The following OSBPL9 variants were observed in gnomAD, a reference collection of about 807,000 sequenced individuals.
The protein encoded by OSBPL9 is oxysterol-binding protein-related protein 9.
Under a neutral mutation model 106.6 loss-of-function variants are expected in OSBPL9, and 40 were observed. The ratio of observed to expected loss-of-function variants is 0.38; its 90% CI spans 0.29 to 0.49. OSBPL9 has a LOEUF of 0.49. OSBPL9 is among the 20% of genes least tolerant of loss of function. OSBPL9 has a pLI of 0.97. For synonymous variants in OSBPL9, 269 were observed against 295.4 expected (o/e 0.91, Z 0.92); for missense variants, 609 against 887.2 (o/e 0.69, Z 3.98).
At chr1:51,562,269 CATG>C in the OSBPL9 span, among the ~76,000 whole-genome samples, 16 of 152,178 alleles carry the variant, frequency 1.1e-4, no homozygotes, top group South Asian at 3.1e-3. Context: ...AGTGAGTTAT[CATG>C]ATATCTGGTT....
intron 3 of OSBPL9, among the ~76,000 whole-genome samples, chr1:51,706,393 A>T (rs150919830): frequency 6.6e-6 from 1 of 152,050 alleles, no homozygotes; most frequent in Admixed American, 6.5e-5. Context: ...GGGAGTTATG[A>T]GTATGTGCAT....
At chr1:51,633,656 C>G (rs1321841802) in intron 1 of OSBPL9, among the ~76,000 whole-genome samples, 1 of 152,020 alleles carries the variant, frequency 6.6e-6, no homozygotes, top group Non-Finnish European at 1.5e-5. Context: ...GTCTTGCACT[C>G]TGTCACGGGG....
chr1:51,636,633 C>G (rs1401656542), intron 1 of OSBPL9, among the ~76,000 whole-genome samples: 1 of 151,966 alleles, frequency 6.6e-6, no homozygotes, highest in Non-Finnish European at 1.5e-5. Context: ...CCACCACACC[C>G]AACCCAAATT....
rs1165352063 is a variant in OSBPL9, at chr1:51,788,004, G to GA, written c.*220dup. 2.0e-6 allele frequency: 1 copy of GA among 510,698 alleles called. No homozygotes were observed. The highest frequency in any genetic ancestry group is 2.0e-5 in the African/African-American group (1 of 51,094). The allele number at this position is 510,698 out of a possible 1,614,324, so 31.6% of individuals were successfully genotyped here. A position where few individuals can be genotyped will look rare whatever the true frequency, so the allele number is the denominator to read the frequency against. ...GTTACGATTTTGACTTCAGTCCTGA[G>GA]AAAAACTTCAGGTTTTGAAAATCAG... On this transcript the variant is annotated 3_prime_UTR_variant, in exon 24 of 24. Coordinates refer to ENST00000428468, the MANE Select transcript of OSBPL9 (RefSeq NM_024586.6).
chr1:51,705,823 G>T (rs1004742515), intron 3 of OSBPL9, among the ~76,000 whole-genome samples: 1 of 151,960 alleles, frequency 6.6e-6, no homozygotes, highest in Non-Finnish European at 1.5e-5. Context: ...AACCAACTTT[G>T]TATTTCTAAA....
rs1661687821 is a variant in OSBPL9 at position 51,719,567 on chromosome 1, A to G, written c.318+5488A>G. 2.6e-5 allele frequency among the ~76,000 whole-genome samples: 4 copies of G among 152,120 alleles called. No homozygotes were observed. The South Asian group carries it at 8.3e-4, about 32-fold the overall frequency. ...CATCCTGTAGGTTTTATAGTTTCCT[A>G]TATTGTAAAAAATATGAGTTATAGC... is the stretch of plus-strand genomic sequence containing the variant. On this transcript the variant is annotated intron_variant, in intron 4 of 23. Coordinates refer to ENST00000428468, the MANE Select transcript of OSBPL9 (RefSeq NM_024586.6).
chr1:51,530,981 G>GA, the OSBPL9 span, among the ~76,000 whole-genome samples: 3 of 144,018 alleles, frequency 2.1e-5, no homozygotes, highest in East Asian at 4.3e-4. Flanking sequence ...TGTAAAAAAA[G>GA]AAAAAAATAG....
At position 51,736,511 on chromosome 1, in the gene OSBPL9, T is replaced by C. The variant is rs11205881; in HGVS notation, c.319-9025T>C. On this transcript the variant is annotated intron_variant, in intron 4 of 23. Coordinates refer to ENST00000428468, the MANE Select transcript of OSBPL9 (RefSeq NM_024586.6). ...TTCTGCTGTAGAGATTCAGTCTTGT[T>C]AGATTAATATATCAGGTTTTGTTTT... 3.4e-3 allele frequency among the ~76,000 whole-genome samples: 512 copies of C among 152,320 alleles called. 4 individuals carry two copies. The highest frequency in any genetic ancestry group is 0.012 in the African/African-American group (490 of 41,566).
At position 51,729,851 on chromosome 1, in the gene OSBPL9, AACCTCAGTCAGGACCGCCTGC is replaced by A; in HGVS notation, c.319-15681_319-15661del. ...AGGGGGTGTCCCGGGGGACGGGCTG[AACCTCAGTCAGGACCGCCTGC>A]ACCGCAGTCCGGGGATCGGGTCGAG... On this transcript the variant is annotated intron_variant, in intron 4 of 23. Transcript: ENST00000428468. The surrounding 1 kb of genome is among the most constrained non-coding windows in gnomAD (Gnocchi z 5.1). 1 of 1,247,338 alleles carries A rather than the reference AACCTCAGTCAGGACCGCCTGC, an allele frequency of 8.0e-7. No individual in the cohort carries two copies. The highest frequency in any genetic ancestry group is 1.0e-6 in the Non-Finnish European group (1 of 988,520). 77.3% of individuals were successfully genotyped at this position (1,247,338 alleles called of 1,614,324 possible).
At chr1:51,656,211 C>A (rs1646803980) in intron 2 of OSBPL9, among the ~76,000 whole-genome samples, 1 of 152,124 alleles carries the variant, frequency 6.6e-6, no homozygotes, top group African/African-American at 2.4e-5. Context: ...TATGAGGATA[C>A]CGTGATATAA....
chr1:51,687,413 A>G (rs1281222751), intron 3 of OSBPL9, among the ~76,000 whole-genome samples: 1 of 152,266 alleles, frequency 6.6e-6, no homozygotes, highest in Non-Finnish European at 1.5e-5. Context: ...GTAATTTGGA[A>G]CAAATAATTA....
intron 1 of OSBPL9, among the ~76,000 whole-genome samples, chr1:51,592,966 C>T (rs1645284252): frequency 6.6e-6 from 1 of 152,140 alleles, no homozygotes; most frequent in Admixed American, 6.5e-5. Context: ...AGATTAGCCT[C>T]AAAGGGCTCA....
chr1:51,653,016 T>G (rs1646613536), intron 2 of OSBPL9, among the ~76,000 whole-genome samples: 1 of 152,154 alleles, frequency 6.6e-6, no homozygotes, highest in African/African-American at 2.4e-5. Context: ...TTGTTAACAG[T>G]CCTTGATAGA....
the OSBPL9 span, among the ~76,000 whole-genome samples, chr1:51,543,641 C>T: frequency 2.6e-5 from 4 of 152,130 alleles, no homozygotes; most frequent in South Asian, 2.1e-4. Flanking sequence ...GTGATCCACC[C>T]GCCTCAGCCT....
intron 1 of OSBPL9, among the ~76,000 whole-genome samples, chr1:51,587,734 T>G (rs964478509): frequency 4.6e-5 from 7 of 152,224 alleles, no homozygotes; most frequent in African/African-American, 1.7e-4. Context: ...GTGCACTTTG[T>G]ATTCTAAATT....
chr1:51,660,868 T>C (rs1647101466), intron 2 of OSBPL9, among the ~76,000 whole-genome samples: 2 of 152,236 alleles, frequency 1.3e-5, no homozygotes, highest in Admixed American at 1.3e-4. Context: ...ATAAGTTTGT[T>C]GAAGTAATTA....
At chr1:51,521,622 C>T in the OSBPL9 span, among the ~76,000 whole-genome samples, 7 of 152,168 alleles carry the variant, frequency 4.6e-5, no homozygotes, top group Admixed American at 4.6e-4. Context: ...CCTATAGTCC[C>T]AGCTACACAG....
chr1:51,768,729 A>T (rs554846989), intron 12 of OSBPL9, among the ~76,000 whole-genome samples: 1 of 152,234 alleles, frequency 6.6e-6, no homozygotes, highest in Non-Finnish European at 1.5e-5. Flanking sequence ...CATTTAAAAC[A>T]CCTGTTGTAC....
At chr1:51,518,945 G>T in the OSBPL9 span, among the ~76,000 whole-genome samples, 4 of 151,394 alleles carry the variant, frequency 2.6e-5, no homozygotes, top group Non-Finnish European at 5.9e-5. Context: ...CGCGGAGGGC[G>T]GCGAGGGCCG....
Sources: gnomAD v4.1 joint callset for allele counts (sites outside exome capture counted in the v4.1 genomes callset) on GRCh38, gnomAD v4.1.1 for gene constraint, Gnocchi (gnomAD v3.1) non-coding constraint, MANE v1.5 for transcripts, NCBI Gene and HGNC (gene_info 2026-07-23, HGNC 2026-07-21) for gene names.